ACOT11: variants seen among roughly 807,000 people sequenced by gnomAD.
The protein encoded by ACOT11 is acyl-CoA thioesterase 11, also known as acyl-coenzyme A thioesterase 11.
In ACOT11, 69 loss-of-function variants were observed where a neutral mutation model predicts 77.5. The ratio of observed to expected loss-of-function variants is 0.89; its 90% CI spans 0.73 to 1.09. The LOEUF is 1.09. ACOT11 is among the 50% of genes least tolerant of loss of function. The probability of loss-of-function intolerance (pLI) is 0.00; values close to 1 mark genes in which losing one functional copy is unlikely to be tolerated. For synonymous variants in ACOT11, 279 were observed against 313.0 expected (o/e 0.89, Z 1.15); for missense variants, 766 against 813.7 (o/e 0.94, Z 0.71).
At chr1:54,549,455 A>G (rs970959359) in intron 1 of ACOT11, among the ~76,000 whole-genome samples, 2 of 151,848 alleles carry the variant, frequency 1.3e-5, no homozygotes, top group Non-Finnish European at 2.9e-5. Flanking sequence ...TGTACTTGCT[A>G]TGTCTTCTGC....
At chr1:54,580,707 G>A (rs1236997122) in intron 1 of ACOT11, among the ~76,000 whole-genome samples, 3 of 152,188 alleles carry the variant, frequency 2.0e-5, no homozygotes, top group South Asian at 2.1e-4. Context: ...TCCCTGTCCC[G>A]TGGAAGCATC....
In ACOT11 at chr1:54,601,410, C is replaced by T. The variant is rs368140522; in HGVS notation, c.1026C>T (p.Pro342=). The T allele has an allele frequency of 1.9e-5, 30 of 1,611,920 alleles. No individual in the cohort carries two copies. Among genetic ancestry groups the T allele is most frequent in the Middle Eastern group, 1.7e-4 (1 of 6,054 alleles). The stretch of plus-strand genomic sequence containing the variant: ...TGCTGCCCTGGATTCGGCCCCAGCC[C>T]GGCGTAAGTGGGACCAGCGCCCTGC... ...PQLLPWIRPQ[P]GDGERRYREA... The change falls in exon 9 of 16, where the codon CCC becomes CCT. Residue 342 remains proline (P), a synonymous_variant. Coordinates refer to ENST00000343744, the MANE Select transcript of ACOT11 (RefSeq NM_147161.4).
chr1:54,589,576 T>A (rs1308518972), intron 3 of ACOT11, among the ~76,000 whole-genome samples: 1 of 152,170 alleles, frequency 6.6e-6, no homozygotes, highest in Non-Finnish European at 1.5e-5. Context: ...GCTCAAGCGA[T>A]CCTTCCACCT....
At chr1:54,618,233 G>A (rs1644195513) in intron 15 of ACOT11, among the ~76,000 whole-genome samples, 1 of 152,188 alleles carries the variant, frequency 6.6e-6, no homozygotes, top group African/African-American at 2.4e-5. Context: ...GCCGGGCGCG[G>A]TGGCTCAGAC....
At position 54,594,651 on chromosome 1, in the gene ACOT11, C is replaced by T. The variant is rs2100990973; in HGVS notation, c.567C>T (p.Asp189=). The T allele has an allele frequency of 1.9e-6, 3 of 1,614,048 alleles. No individual in the cohort carries two copies. The highest frequency in any genetic ancestry group is 2.5e-6 in the Non-Finnish European group (3 of 1,179,938). ...ERRRMRLVYA[D]TIKDLLANCA... ...GGCGCATGCGCCTTGTCTATGCAGA[C>T]ACCATCAAGGACCTCCTGGCCAACT... The change falls in exon 6 of 16, where the codon GAC becomes GAT. Residue 189 remains aspartate (D), a synonymous_variant. Transcript: ENST00000343744.
chr1:54,616,305 A>G lies in ACOT11; in HGVS notation c.1629+8237A>G, dbSNP rs1644172696. 4 of 755,102 alleles carry G rather than the reference A, an allele frequency of 5.3e-6. No homozygotes were observed. The African/African-American group carries it at 7.0e-5, about 13-fold the overall frequency. 46.8% of individuals were successfully genotyped at this position (755,102 alleles called of 1,614,324 possible). ...GTGGAAGAGGAAAATATTCACCCAC[A>G]CTTCCATCATAGTTTCACATTTCGA... is the stretch of plus-strand genomic sequence containing the variant. On this transcript the variant is annotated intron_variant, in intron 15 of 16. Transcript: ENST00000371316.
exon 17 of ACOT11, chr1:54,635,366 C>T: frequency 1.4e-5 from 4 of 289,278 alleles, no homozygotes; most frequent in Middle Eastern, 1.2e-3. Flanking sequence ...TTCCTATTAT[C>T]TGGAACCATG....
chr1:54,572,569 A>AG lies in ACOT11; in HGVS notation c.34-12077dup, dbSNP rs34887912. Among the ~76,000 whole-genome samples, 475 of 146,272 alleles carry AG rather than the reference A, an allele frequency of 3.2e-3. 1 individual carries two copies. The highest frequency in any genetic ancestry group is 7.1e-3 in the Middle Eastern group (2 of 282). Reference sequence around the variant, plus strand: ...GGGTGCTGTCAAAGCAGCTCCCCTGAGGGGGGGGGTCACACGGAAAGGGCG... The same window carrying AG: ...GGGTGCTGTCAAAGCAGCTCCCCTGAGGGGGGGGGGTCACACGGAAAGGGCG... On this transcript the variant is annotated intron_variant, in intron 1 of 15. Coordinates refer to ENST00000343744, the MANE Select transcript of ACOT11 (RefSeq NM_147161.4).
chr1:54,595,815 C>T (rs78052945), intron 6 of ACOT11, among the ~76,000 whole-genome samples: 9,444 of 152,188 alleles, frequency 0.062, 460 homozygotes, highest in East Asian at 0.23. Context: ...TTTACTTATC[C>T]CCAGAATGTT....
At chr1:54,582,418 T>G (rs1341556942) in intron 1 of ACOT11, 1 of 985,136 alleles carries the variant, frequency 1.0e-6, no homozygotes, top group Admixed American at 6.2e-5. Context: ...GTCTTTGTAT[T>G]CTCTATCTTT....
rs768894868 is a variant in ACOT11, at chr1:54,603,935, C to G, written c.1150C>G (p.Gln384Glu). ...CTCCGTCCCCTGGGACCCTAGCAAC[C>G]AGGTAAGGCTCTCTGCTCCGAGAGG... ...PLSVPWDPSN[Q>E]VYLSYNNVSS... The change falls in exon 11 of 16, where the codon CAG (glutamine) becomes GAG (glutamate). Residue 384 changes from glutamine to glutamate, a missense_variant and splice_region_variant. Coordinates refer to ENST00000343744, the MANE Select transcript of ACOT11 (RefSeq NM_147161.4). The G allele has an allele frequency of 2.7e-5, 43 of 1,613,848 alleles. No individual in the cohort carries two copies. In the Admixed American group the frequency reaches 7.0e-4, roughly 26 times the overall value.
intron 4 of ACOT11, among the ~76,000 whole-genome samples, chr1:54,593,466 T>G (rs1351498163): frequency 2.7e-5 from 4 of 148,232 alleles, no homozygotes; most frequent in African/African-American, 1.0e-4. Flanking sequence ...TGGTTTTTTT[T>G]TTTTTTTTTT....
chr1:54,608,183 T>TC (rs1644054323), intron 15 of ACOT11, 115 bp downstream of exon 15: 3 of 995,494 alleles, frequency 3.0e-6, no homozygotes, highest in South Asian at 3.5e-5. Flanking sequence ...CCCAGCAGGC[T>TC]CCCCCTTCCA....
intron 10 of ACOT11, among the ~76,000 whole-genome samples, chr1:54,603,627 C>T (rs562630200): frequency 6.6e-6 from 1 of 152,264 alleles, no homozygotes; most frequent in Non-Finnish European, 1.5e-5. Context: ...GGAATCGAGC[C>T]TTAGACGCCA....
Position 54,624,450 on chromosome 1 carries a change from C to T in ACOT11, c.1630-6284C>T, listed in dbSNP as rs201973909. 1.7e-3 allele frequency among the ~76,000 whole-genome samples: 251 copies of T among 152,070 alleles called. 1 individual carries two copies. Among genetic ancestry groups the T allele is most frequent in the African/African-American group, 5.8e-3 (242 of 41,454 alleles). Reference sequence around the variant, plus strand: ...GTCCATTTTCCTGCCTCGGCCTTCCCGAGGAGGGAACTGGATATAGAGGCT... The same window carrying T: ...GTCCATTTTCCTGCCTCGGCCTTCCTGAGGAGGGAACTGGATATAGAGGCT... On this transcript the variant is annotated intron_variant, in intron 15 of 16. Coordinates refer to the ACOT11 transcript ENST00000371316.
At chr1:54,601,851 T>C (rs1341837803) in intron 9 of ACOT11, among the ~76,000 whole-genome samples, 1 of 152,232 alleles carries the variant, frequency 6.6e-6, no homozygotes, top group Non-Finnish European at 1.5e-5. Flanking sequence ...CATGCCTGGC[T>C]GCGCCCTGGG....
downstream of ACOT11, chr1:54,611,031 G>C: frequency 1.0e-6 from 1 of 985,062 alleles, no homozygotes; most frequent in Non-Finnish European, 1.2e-6. Flanking sequence ...TTTGGAATTT[G>C]CTGGTTTCCT....
intron 1 of ACOT11, among the ~76,000 whole-genome samples, chr1:54,564,803 G>T (rs998672758): frequency 6.6e-6 from 1 of 152,138 alleles, no homozygotes; most frequent in Non-Finnish European, 1.5e-5. Context: ...GGATGTCGGG[G>T]TTGGGGCGGT....
At chr1:54,562,393 G>T (rs1653547940) in intron 1 of ACOT11, among the ~76,000 whole-genome samples, 1 of 77,536 alleles carries the variant, frequency 1.3e-5, no homozygotes, top group African/African-American at 8.5e-5. Flanking sequence ...AGGGGCAGCC[G>T]GGCAGAGGCG....
Sources: allele counts gnomAD v4.1 joint callset (sites outside exome capture counted in the v4.1 genomes callset), GRCh38; gene constraint gnomAD v4.1.1; transcripts MANE v1.5; gene names NCBI Gene and HGNC (gene_info 2026-07-23, HGNC 2026-07-21).